The following HUNK variants were observed in gnomAD, a reference collection of about 807,000 sequenced individuals.
HUNK encodes hormonally up-regulated neu tumor-associated kinase.
HUNK carries 21 observed loss-of-function variants against 61.0 expected under a neutral mutation model. That is an observed-to-expected ratio of 0.34 (90% CI 0.24 to 0.50). The LOEUF (loss-of-function observed/expected upper bound fraction) is 0.50, where lower values mean the gene tolerates loss of function less well. Ranked by LOEUF, HUNK falls within the 20% of genes least tolerant of loss-of-function variation. The pLI, the probability that HUNK is intolerant of heterozygous loss-of-function variation, is 0.98. For missense variants in HUNK, 772 were observed against 945.7 expected (o/e 0.82, Z 2.41); for synonymous variants, 371 against 386.1 (o/e 0.96, Z 0.46).
At chr21:31,969,517 C>T (rs1310473624) in intron 6 of HUNK, among the ~76,000 whole-genome samples, 9 of 152,174 alleles carry the variant, frequency 5.9e-5, no homozygotes, top group Non-Finnish European at 1.0e-4. Flanking sequence ...GTGCAGCCCA[C>T]GCTTCTCCAT....
At chr21:31,968,634 A>G (rs1213567490) in intron 6 of HUNK, among the ~76,000 whole-genome samples, 1 of 152,098 alleles carries the variant, frequency 6.6e-6, no homozygotes, top group East Asian at 1.9e-4. Context: ...GCTGATATCC[A>G]GGCTTTGAGG....
chr21:31,990,477 G>A (rs1462236106), intron 9 of HUNK, among the ~76,000 whole-genome samples: 1 of 151,594 alleles, frequency 6.6e-6, no homozygotes, highest in African/African-American at 2.4e-5. Flanking sequence ...ACATTATGGA[G>A]GATAATCTAC....
At chr21:31,958,712 T>G (rs2052906479) in intron 4 of HUNK, 131 bp from the exon 5 acceptor site, 2 of 794,184 alleles carry the variant, frequency 2.5e-6, no homozygotes, top group South Asian at 4.4e-5. Flanking sequence ...TCTACAAAGA[T>G]GACTTTGAAG....
intron 8 of HUNK, among the ~76,000 whole-genome samples, chr21:31,985,358 G>A (rs891119284): frequency 9.2e-5 from 14 of 152,186 alleles, no homozygotes; most frequent in African/African-American, 3.1e-4. Flanking sequence ...TGTCTTGCAC[G>A]CAGGGCTGCA....
At chr21:31,921,938 G>C (rs1232324823) in intron 1 of HUNK, among the ~76,000 whole-genome samples, 1 of 152,206 alleles carries the variant, frequency 6.6e-6, no homozygotes, top group African/African-American at 2.4e-5. Flanking sequence ...CCATGGTCAA[G>C]CTCATGGACA....
At position 31,999,540 on chromosome 21, in the gene HUNK, C is replaced by T. The variant is rs990005616; in HGVS notation, c.*356C>T. On this transcript the variant is annotated 3_prime_UTR_variant, in exon 11 of 11. Transcript: ENST00000270112. The stretch of plus-strand genomic sequence containing the variant: ...TGGACTGTTACCAGATCTTTCTTCA[C>T]GCTGTGCTACATGTGTGCCTCTCAC... 1.6e-5 allele frequency: 4 copies of T among 244,408 alleles called. No homozygotes were observed. The highest frequency in any genetic ancestry group is 8.7e-5 in the East Asian group (1 of 11,460). The allele number at this position is 244,408 out of a possible 1,614,324, so 15.1% of individuals were successfully genotyped here.
intron 1 of HUNK, among the ~76,000 whole-genome samples, chr21:31,892,180 TAG>T (rs66753649): frequency 0.067 from 7,340 of 109,286 alleles, 209 homozygotes; most frequent in Middle Eastern, 0.088. Context: ...TATATATATA[TAG>T]AGAGAGAGAG....
chr21:31,957,083 C>T (rs948608969), intron 4 of HUNK, among the ~76,000 whole-genome samples: 1 of 152,220 alleles, frequency 6.6e-6, no homozygotes, highest in Non-Finnish European at 1.5e-5. Flanking sequence ...TCTAAGTTCT[C>T]AGTCTCCCTT....
chr21:31,882,257 ATCACTGGGT>A (rs1222123684), intron 1 of HUNK, among the ~76,000 whole-genome samples: 5 of 152,162 alleles, frequency 3.3e-5, no homozygotes, highest in Non-Finnish European at 7.3e-5. Context: ...GCAACTTCTA[ATCACTGGGT>A]TCTTTTTGGT....
chr21:31,955,007 G>A (rs371366245), intron 4 of HUNK, among the ~76,000 whole-genome samples: 5 of 152,048 alleles, frequency 3.3e-5, no homozygotes, highest in East Asian at 2.0e-4. Flanking sequence ...GGCTGATCTC[G>A]AACTCCTGAG....
chr21:31,928,399 C>T (rs73350743), intron 2 of HUNK, among the ~76,000 whole-genome samples: 10,641 of 152,276 alleles, frequency 0.07, 456 homozygotes, highest in South Asian at 0.17. Flanking sequence ...TCCAATCCCT[C>T]TCAGCGCAAT....
intron 1 of HUNK, among the ~76,000 whole-genome samples, chr21:31,892,157 A>AT (rs1304685812): frequency 7.7e-4 from 86 of 112,012 alleles, no homozygotes; most frequent in Middle Eastern, 4.6e-3. Flanking sequence ...TTAAAAAAAA[A>AT]AAAAAATATA....
chr21:31,980,346 A>C (rs908601465), intron 7 of HUNK, among the ~76,000 whole-genome samples: 2 of 148,272 alleles, frequency 1.3e-5, no homozygotes, highest in African/African-American at 2.5e-5. Context: ...CTGGGATTAT[A>C]GGCGTGAGCC....
intron 5 of HUNK, among the ~76,000 whole-genome samples, chr21:31,965,168 G>A (rs1224543085): frequency 1.3e-5 from 2 of 152,046 alleles, no homozygotes; most frequent in Non-Finnish European, 2.9e-5. Flanking sequence ...GGAGCTGGAG[G>A]CCATCATCCT....
chr21:31,942,534 A>C (rs2123828867), intron 3 of HUNK, among the ~76,000 whole-genome samples: 1 of 152,320 alleles, frequency 6.6e-6, no homozygotes, highest in East Asian at 1.9e-4. Context: ...AGAACCTCTT[A>C]GAGGAGACCT....
intron 5 of HUNK, among the ~76,000 whole-genome samples, chr21:31,964,180 A>G (rs774497266): frequency 1.3e-5 from 2 of 152,222 alleles, no homozygotes; most frequent in Non-Finnish European, 2.9e-5. Flanking sequence ...TGAATTCTCC[A>G]AAGTCAAACT....
chr21:31,950,296 GGAA>G (rs2052840555), intron 4 of HUNK, among the ~76,000 whole-genome samples: 1 of 152,026 alleles, frequency 6.6e-6, no homozygotes, highest in African/African-American at 2.4e-5. Context: ...AAGGTGTCAG[GGAA>G]GAAGGCCAGG....
At chr21:31,976,143 A>G (rs1229014612) in intron 7 of HUNK, among the ~76,000 whole-genome samples, 1 of 152,084 alleles carries the variant, frequency 6.6e-6, no homozygotes, top group Non-Finnish European at 1.5e-5. Flanking sequence ...GGGGGAAAAA[A>G]CGTGGTCTGT....
intron 8 of HUNK, among the ~76,000 whole-genome samples, chr21:31,989,649 G>A (rs1005205221): frequency 1.3e-5 from 2 of 148,632 alleles, no homozygotes; most frequent in Non-Finnish European, 1.5e-5. Flanking sequence ...GGGAAGCAGA[G>A]GTTGCAGTGA....
Sources: gnomAD v4.1 joint callset for allele counts (sites outside exome capture counted in the v4.1 genomes callset) on GRCh38, gnomAD v4.1.1 for gene constraint, MANE v1.5 for transcripts, NCBI Gene and HGNC (gene_info 2026-07-23, HGNC 2026-07-21) for gene names.